GNAQ: variants seen among roughly 807,000 people sequenced by gnomAD.
The protein encoded by GNAQ is guanine nucleotide-binding protein G(q) subunit alpha.
In GNAQ, 8 loss-of-function variants were observed where a neutral mutation model predicts 43.9. That is an observed-to-expected ratio of 0.18 (90% CI 0.11 to 0.33). The LOEUF is 0.33. Among genes scored for constraint, GNAQ ranks in the 10% least tolerant of loss-of-function variants. The pLI is 1.00. For missense variants in GNAQ, 158 were observed against 450.8 expected (o/e 0.35, Z 5.88); for synonymous variants, 155 against 170.7 (o/e 0.91, Z 0.71).
At chr9:77,979,321 A>G (rs1405010461) in intron 1 of GNAQ, among the ~76,000 whole-genome samples, 1 of 150,606 alleles carries the variant, frequency 6.6e-6, no homozygotes, top group Non-Finnish European at 1.5e-5. Context: ...GCGCCATTGC[A>G]CTCCAGCCTG....
At chr9:77,759,370 T>C (rs1383162052) in intron 5 of GNAQ, among the ~76,000 whole-genome samples, 1 of 152,226 alleles carries the variant, frequency 6.6e-6, no homozygotes, top group Non-Finnish European at 1.5e-5. Flanking sequence ...AAAATCTTTA[T>C]GTTTCTGCTA....
chr9:78,028,159 T>G (rs185558903), intron 1 of GNAQ, among the ~76,000 whole-genome samples: 1 of 152,202 alleles, frequency 6.6e-6, no homozygotes, highest in Non-Finnish European at 1.5e-5. Flanking sequence ...TATATCTACA[T>G]AGAATACAAA....
chr9:77,950,070 T>A (rs548685078), intron 1 of GNAQ, among the ~76,000 whole-genome samples: 6 of 152,304 alleles, frequency 3.9e-5, no homozygotes, highest in Non-Finnish European at 8.8e-5. Flanking sequence ...GACTCTTCTC[T>A]TATCAAAAAA....
chr9:78,028,212 AGAAT>A (rs1824006095), intron 1 of GNAQ, among the ~76,000 whole-genome samples: 1 of 152,238 alleles, frequency 6.6e-6, no homozygotes, highest in Non-Finnish European at 1.5e-5. Context: ...ATGAATTCAA[AGAAT>A]GAATAAGTTA....
chr9:77,748,483 T>C (rs1266054057), intron 5 of GNAQ, among the ~76,000 whole-genome samples: 3 of 152,210 alleles, frequency 2.0e-5, no homozygotes, highest in Admixed American at 2.0e-4. Context: ...GCTTGATGCC[T>C]TCTGCAAGCA....
chr9:77,870,753 G>A (rs1314788740), intron 2 of GNAQ, among the ~76,000 whole-genome samples: 4 of 151,960 alleles, frequency 2.6e-5, no homozygotes, highest in African/African-American at 7.3e-5. Context: ...TGGATAAACT[G>A]TGGTACATTC....
In GNAQ at chr9:77,719,570, G is replaced by A. The variant is rs1351364980; in HGVS notation, c.*1753C>T. 4.3e-6 allele frequency: 1 copy of A among 232,630 alleles called. No homozygotes were observed. The highest frequency in any genetic ancestry group is 2.2e-5 in the African/African-American group (1 of 45,306). The allele number at this position is 232,630 out of a possible 1,614,324, so 14.4% of individuals were successfully genotyped here. ...TCCCCCTTTGTTGTTCCAAAAGAGT[G>A]ATTTATATGGAAGTTTACACTAGTG... On this transcript the variant is annotated 3_prime_UTR_variant, in exon 7 of 7. Coordinates refer to ENST00000286548, the MANE Select transcript of GNAQ (RefSeq NM_002072.5).
chr9:77,891,653 G>A (rs922261679), intron 2 of GNAQ, among the ~76,000 whole-genome samples: 1 of 152,104 alleles, frequency 6.6e-6, no homozygotes, highest in Admixed American at 6.6e-5. Context: ...CCAAGTATAC[G>A]CTGTCTTTCC....
At chr9:77,884,779 A>G (rs1165075024) in intron 2 of GNAQ, among the ~76,000 whole-genome samples, 1 of 152,238 alleles carries the variant, frequency 6.6e-6, no homozygotes, top group Non-Finnish European at 1.5e-5. Context: ...TCCCTTAACT[A>G]TAAATGTCTC....
intron 2 of GNAQ, among the ~76,000 whole-genome samples, chr9:77,918,557 T>A (rs1056502341): frequency 1.3e-5 from 2 of 151,822 alleles, no homozygotes; most frequent in African/African-American, 4.8e-5. Context: ...CACAAGAAAA[T>A]AAAATCCAAA....
intron 2 of GNAQ, among the ~76,000 whole-genome samples, chr9:77,882,541 G>A (rs1828231466): frequency 6.6e-6 from 1 of 152,180 alleles, no homozygotes; most frequent in Non-Finnish European, 1.5e-5. Context: ...AACCTGGGTT[G>A]ATTATGCGAG....
intron 2 of GNAQ, among the ~76,000 whole-genome samples, chr9:77,839,564 C>T (rs555566818): frequency 1.3e-5 from 2 of 152,300 alleles, no homozygotes; most frequent in South Asian, 4.1e-4. Flanking sequence ...TATGTGCTTC[C>T]CTGTGGTACT....
At chr9:77,951,092 C>CTTTTTTTTTT (rs35044662) in intron 1 of GNAQ, among the ~76,000 whole-genome samples, 2 of 89,318 alleles carry the variant, frequency 2.2e-5, no homozygotes, top group Non-Finnish European at 4.1e-5. Flanking sequence ...GTCAAGTGTT[C>CTTTTTTTTTT]TTTTTTTTTT....
At chr9:78,010,703 C>A (rs916668015) in intron 1 of GNAQ, among the ~76,000 whole-genome samples, 3 of 151,932 alleles carry the variant, frequency 2.0e-5, no homozygotes, top group Admixed American at 2.0e-4. Context: ...GAAAGAAAAA[C>A]CTTATCTACA....
chr9:77,990,847 T>C (rs751539586), intron 1 of GNAQ, among the ~76,000 whole-genome samples: 3 of 152,174 alleles, frequency 2.0e-5, no homozygotes, highest in Non-Finnish European at 4.4e-5. Context: ...AACAAGGAGA[T>C]GTTTATTTGC....
chr9:77,806,470 A>G (rs1264797522), intron 3 of GNAQ, among the ~76,000 whole-genome samples: 2 of 152,206 alleles, frequency 1.3e-5, no homozygotes, highest in Non-Finnish European at 2.9e-5. Context: ...GCCTTTAGGG[A>G]TTTCAGGCTA....
At chr9:78,020,388 G>A (rs562130105) in intron 1 of GNAQ, among the ~76,000 whole-genome samples, 3 of 151,872 alleles carry the variant, frequency 2.0e-5, no homozygotes, top group South Asian at 2.1e-4. Flanking sequence ...GGTTTTTCTC[G>A]GGACACAGCT....
At chr9:77,722,271 G>A (rs1825327874) in intron 6 of GNAQ, among the ~76,000 whole-genome samples, 1 of 150,872 alleles carries the variant, frequency 6.6e-6, no homozygotes, top group Admixed American at 6.6e-5. Context: ...TGAGCAGCTG[G>A]GATTACTGGT....
chr9:77,736,666 A>G (rs1262815620), intron 5 of GNAQ, among the ~76,000 whole-genome samples: 1 of 152,122 alleles, frequency 6.6e-6, no homozygotes, highest in Non-Finnish European at 1.5e-5. Context: ...GCTGCAAATC[A>G]GAGTGTGTTG....
Sources: gnomAD v4.1 joint callset for allele counts (sites outside exome capture counted in the v4.1 genomes callset) on GRCh38, gnomAD v4.1.1 for gene constraint, MANE v1.5 for transcripts, NCBI Gene and HGNC (gene_info 2026-07-23, HGNC 2026-07-21) for gene names.